The following PCDHA12 variants were observed in gnomAD, a reference collection of about 807,000 sequenced individuals.
PCDHA12 encodes protocadherin alpha 12, also known as protocadherin alpha-12.
A neutral mutation model predicts 60.0 loss-of-function variants in PCDHA12; 44 were observed. The observed-to-expected ratio is 0.73, with a 90% CI of 0.58 to 0.94. The LOEUF is 0.94. PCDHA12 is among the 40% of genes least tolerant of loss of function. The probability of loss-of-function intolerance (pLI) is 0.00; values close to 1 mark genes in which losing one functional copy is unlikely to be tolerated. For missense variants in PCDHA12, 1,276 were observed against 1,239.7 expected (o/e 1.03, Z -0.44); for synonymous variants, 569 against 553.0 (o/e 1.03, Z -0.40).
At chr5:140,882,860 A>G in intron 1 of PCDHA12, 1 of 1,614,218 alleles carries the variant, frequency 6.2e-7, no homozygotes, top group Non-Finnish European at 8.5e-7. Context: ...TGTACTGAGG[A>G]AAACACTGGA....
Position 140,890,802 on chromosome 5 carries a change from A to G in PCDHA12, c.2367+12963A>G, listed in dbSNP as rs1401387956. On this transcript the variant is annotated intron_variant, in intron 1 of 3. Transcript: ENST00000398631. The stretch of plus-strand genomic sequence containing the variant: ...TAAGATATTAGTATTATTTTATACA[A>G]TCAACATTGTTTTAAATGTACTTAC... 5.3e-5 allele frequency among the ~76,000 whole-genome samples: 8 copies of G among 152,310 alleles called. 1 individual carries two copies. Among genetic ancestry groups the G allele is most frequent in the Admixed American group, 4.6e-4 (7 of 15,296 alleles).
intron 3 of PCDHA12, among the ~76,000 whole-genome samples, chr5:141,000,414 TA>T (rs1441995674): frequency 2.8e-4 from 28 of 99,544 alleles, no homozygotes; most frequent in African/African-American, 3.7e-4. Flanking sequence ...TATATATATA[TA>T]TATATATTTT....
intron 2 of PCDHA12, 175 bp downstream of exon 2, chr5:140,979,182 A>C: frequency 2.6e-5 from 24 of 928,990 alleles, no homozygotes; most frequent in Non-Finnish European, 3.1e-5. Context: ...GCAAATGGTC[A>C]GTGCCAGATG....
chr5:140,883,403 T>C (rs1009539034), intron 1 of PCDHA12: 1 of 1,614,168 alleles, frequency 6.2e-7, no homozygotes, highest in Non-Finnish European at 8.5e-7. Context: ...CGATCGTGAC[T>C]CTGGCTCAAA....
chr5:141,000,387 CTCTCTCTCTATATATA>C (rs1282156924), intron 3 of PCDHA12, among the ~76,000 whole-genome samples: 8 of 66,888 alleles, frequency 1.2e-4, no homozygotes, highest in African/African-American at 4.0e-4. Flanking sequence ...CTCTCTCTCT[CTCTCTCTCTATATATA>C]TATATATATA....
chr5:140,997,577 T>G (rs2097775398), intron 3 of PCDHA12, among the ~76,000 whole-genome samples: 1 of 152,186 alleles, frequency 6.6e-6, no homozygotes, highest in Admixed American at 6.5e-5. Flanking sequence ...GTGTGGTCCG[T>G]TGTTGACTGA....
At chr5:140,903,800 A>T (rs2070614237) in intron 1 of PCDHA12, among the ~76,000 whole-genome samples, 1 of 152,178 alleles carries the variant, frequency 6.6e-6, no homozygotes, top group African/African-American at 2.4e-5. Context: ...GTTGTAATTG[A>T]CAAGTATAGT....
intron 3 of PCDHA12, among the ~76,000 whole-genome samples, chr5:141,004,166 A>C (rs2098156060): frequency 6.6e-6 from 1 of 152,278 alleles, no homozygotes; most frequent in Non-Finnish European, 1.5e-5. Context: ...AGGCAAAGCC[A>C]GCCAAGTGTC....
chr5:140,923,133 G>T (rs1177084353), intron 1 of PCDHA12, among the ~76,000 whole-genome samples: 3 of 152,082 alleles, frequency 2.0e-5, no homozygotes, highest in African/African-American at 7.2e-5. Context: ...ACACTTTGAA[G>T]GTGGAATATA....
At chr5:140,995,488 C>T (rs1402273935) in intron 3 of PCDHA12, among the ~76,000 whole-genome samples, 26 of 152,182 alleles carry the variant, frequency 1.7e-4, no homozygotes, top group Admixed American at 1.6e-3. Context: ...TATTTTCAGA[C>T]TAAGGTTGAC....
At chr5:140,927,638 G>C (rs781909639) in intron 1 of PCDHA12, 1 of 1,614,024 alleles carries the variant, frequency 6.2e-7, no homozygotes, top group Admixed American at 1.7e-5. Flanking sequence ...GCACCCAATG[G>C]GACTGTGTTA....
intron 1 of PCDHA12, among the ~76,000 whole-genome samples, chr5:140,914,730 C>T (rs2076816445): frequency 6.6e-6 from 1 of 151,438 alleles, no homozygotes; most frequent in Non-Finnish European, 1.5e-5. Context: ...TTTTGTGTAT[C>T]CATTGTATGT....
chr5:141,008,731 A>G (rs570212555), intron 3 of PCDHA12, among the ~76,000 whole-genome samples: 88 of 152,328 alleles, frequency 5.8e-4, no homozygotes, highest in Non-Finnish European at 1.0e-3. Flanking sequence ...GTCCAACTAG[A>G]CTGTGAGCAC....
At chr5:140,883,525 A>G in intron 1 of PCDHA12, 1 of 1,614,220 alleles carries the variant, frequency 6.2e-7, no homozygotes, top group Middle Eastern at 1.7e-4. Context: ...AGAGCGTATC[A>G]GCCTATGAAC....
chr5:140,973,411 C>G (rs545745437), intron 1 of PCDHA12, among the ~76,000 whole-genome samples: 2 of 152,326 alleles, frequency 1.3e-5, no homozygotes, highest in East Asian at 3.9e-4. Context: ...TGAGCTTCCA[C>G]TCCAGTTTTT....
intron 1 of PCDHA12, among the ~76,000 whole-genome samples, chr5:140,886,194 AAT>A (rs775586198): frequency 9.9e-5 from 15 of 152,172 alleles, no homozygotes; most frequent in Non-Finnish European, 1.9e-4. Context: ...GGCAAGCAGT[AAT>A]CTGTTCTCCA....
At chr5:140,911,716 T>A (rs2075609522) in intron 1 of PCDHA12, among the ~76,000 whole-genome samples, 1 of 151,644 alleles carries the variant, frequency 6.6e-6, no homozygotes, top group Non-Finnish European at 1.5e-5. Context: ...TTTGTGTAAC[T>A]CTGTAAACAG....
intron 1 of PCDHA12, among the ~76,000 whole-genome samples, chr5:140,922,015 A>G (rs1563050158): frequency 6.6e-6 from 1 of 152,098 alleles, no homozygotes; most frequent in Non-Finnish European, 1.5e-5. Context: ...AGTTTAAAAA[A>G]ATAAATATAA....
Position 140,875,813 on chromosome 5 carries a change from T to A in PCDHA12, c.341T>A (p.Leu114Gln). 2 of 1,614,174 alleles carry A rather than the reference T, an allele frequency of 1.2e-6. No homozygotes were observed. Among genetic ancestry groups the A allele is most frequent in the Non-Finnish European group, 1.7e-6 (2 of 1,180,034 alleles). The change falls in exon 1 of 4, where the codon CTG becomes CAG. Residue 114 changes from leucine (L) to glutamine (Q), a missense_variant. Physicochemically the swap from Leu to Gln is moderately radical, Grantham distance 113. Transcript: ENST00000398631. ...CTGGAGGTGATCGTGGACAGGCCGC[T>A]GCAGGTTTTCCATGTGGACGTGGAG... ...IHLEVIVDRPLQVFHVDVEVK... is the reference protein window; with the variant it reads ...IHLEVIVDRPQQVFHVDVEVK...
Sources: allele counts gnomAD v4.1 joint callset (sites outside exome capture counted in the v4.1 genomes callset), GRCh38; gene constraint gnomAD v4.1.1; transcripts MANE v1.5; gene names NCBI Gene and HGNC (gene_info 2026-07-23, HGNC 2026-07-21).